SPRYD3: variants seen among roughly 807,000 people sequenced by gnomAD.
The protein encoded by SPRYD3 is SPRY domain containing 3.
A neutral mutation model predicts 50.1 loss-of-function variants in SPRYD3; 17 were observed. The ratio of observed to expected loss-of-function variants is 0.34; its 90% CI spans 0.23 to 0.51. The LOEUF (loss-of-function observed/expected upper bound fraction) is 0.51, where lower values mean the gene tolerates loss of function less well. Ranked by LOEUF, SPRYD3 falls within the 20% of genes least tolerant of loss-of-function variation. SPRYD3 has a pLI of 0.97. For synonymous variants in SPRYD3, 198 were observed against 215.5 expected, an observed-to-expected ratio of 0.92 and a Z score of 0.71; for missense variants, 401 against 591.2, an observed-to-expected ratio of 0.68 and a Z score of 3.34.
At position 53,066,440 on chromosome 12, in the gene SPRYD3, G is replaced by T. The variant is rs1335649853; in HGVS notation, c.1068C>A (p.Ala356=). The change falls in exon 10 of 11, where the codon GCC becomes GCA. Residue 356 remains alanine, a synonymous_variant. Transcript: ENST00000301463. Reference sequence around the variant, plus strand: ...CATTCCGCACGTTCCGGACGGCCCGGGCAGTCGGAGACAGGATCACTGTGT... The same window carrying T: ...CATTCCGCACGTTCCGGACGGCCCGTGCAGTCGGAGACAGGATCACTGTGT... ...SCDTVILSPT[A]RAVRNVRNVM... 6.2e-7 allele frequency: 1 copy of T among 1,613,978 alleles called. No individual in the cohort carries two copies. Among genetic ancestry groups the T allele is most frequent in the African/African-American group, 1.3e-5 (1 of 74,884 alleles).
rs141286458 is a variant in SPRYD3 at position 53,076,459 on chromosome 12, A to G, written c.171-648T>C. On this transcript the variant is annotated intron_variant, in intron 2 of 10. Transcript: ENST00000301463. ...CCCTTCCCCAAACAGGAAATCAACT[A>G]TCTCTGAAACAGCCACTCTTCACTA... is the stretch of plus-strand genomic sequence containing the variant. Among the ~76,000 whole-genome samples, 698 of 152,300 alleles carry G rather than the reference A, an allele frequency of 4.6e-3. 10 individuals are homozygous for G. The highest frequency in any genetic ancestry group is 0.016 in the African/African-American group (665 of 41,556).
intron 10 of SPRYD3, 24 bp downstream of exon 10, chr12:53,066,290 C>T (rs762738503): frequency 3.1e-6 from 5 of 1,608,032 alleles, no homozygotes; most frequent in South Asian, 2.2e-5. Context: ...AACCCTGGTC[C>T]CACCTCAAAC....
At chr12:53,078,966 C>T (rs1944611173) in intron 1 of SPRYD3, among the ~76,000 whole-genome samples, 2 of 152,210 alleles carry the variant, frequency 1.3e-5, no homozygotes, top group East Asian at 1.9e-4. Flanking sequence ...ATTCCACTCC[C>T]GGGCACTCAG....
intron 6 of SPRYD3, among the ~76,000 whole-genome samples, chr12:53,072,562 A>G (rs1032762428): frequency 3.9e-5 from 6 of 152,216 alleles, no homozygotes; most frequent in Non-Finnish European, 8.8e-5. Flanking sequence ...TTCACTCCCA[A>G]TGCAGCACAG....
At chr12:53,067,753 G>A in intron 7 of SPRYD3, 48 bp from the exon 8 acceptor site, 1 of 1,558,514 alleles carries the variant, frequency 6.4e-7, no homozygotes, top group South Asian at 1.1e-5. Flanking sequence ...GCATAAACAA[G>A]ACAGGAGAGA....
rs574014337 is a variant in SPRYD3 at position 53,073,776 on chromosome 12, G to A, written c.508-305C>T. On this transcript the variant is annotated intron_variant, in intron 5 of 10. Transcript: ENST00000301463. ...GGAGAATGGCGTGAACCCGGGAGGC[G>A]GAGCTTGCAGTGAGCCGAGATGGTG... Among the ~76,000 whole-genome samples the A allele has an allele frequency of 3.7e-3, 562 of 151,556 alleles. 6 individuals carry two copies. The highest frequency in any genetic ancestry group is 0.012 in the African/African-American group (514 of 41,274).
At chr12:53,071,930 A>G (rs1197742139) in intron 6 of SPRYD3, among the ~76,000 whole-genome samples, 2 of 151,998 alleles carry the variant, frequency 1.3e-5, no homozygotes, top group African/African-American at 4.8e-5. Context: ...ACACTCTTAA[A>G]TAAGTGGCTG....
In SPRYD3 at chr12:53,073,452, G is replaced by A; in HGVS notation, c.527C>T (p.Pro176Leu). 4 of 1,556,374 alleles carry A rather than the reference G, an allele frequency of 2.6e-6. No homozygotes were observed. Among genetic ancestry groups the A allele is most frequent in the Non-Finnish European group, 3.5e-6 (4 of 1,147,244 alleles). Residue 176 changes from proline (P) to leucine (L), a missense_variant, in exon 6 of 11, where the codon CCC (proline) becomes CTC (leucine). By Grantham distance (98) the Pro-to-Leu change is moderately conservative. Transcript: ENST00000301463. The stretch of plus-strand genomic sequence containing the variant: ...TGGGAACAGTCCATCTGGGGACATG[G>A]GCATGATGGTAGAGCCCACCTGCAG... ...NGKRVGSTIM[P>L]MSPDGLFPAV...
chr12:53,078,181 A>G lies in SPRYD3; in HGVS notation c.24-920T>C, dbSNP rs1241941203. 2.2e-5 allele frequency: 9 copies of G among 410,214 alleles called. No homozygotes were observed. In the Admixed American group the frequency reaches 2.5e-4, roughly 11 times the overall value. 25.4% of individuals were successfully genotyped at this position (410,214 alleles called of 1,614,324 possible). A position where few individuals can be genotyped will look rare whatever the true frequency, so the allele number is the denominator to read the frequency against. On this transcript the variant is annotated intron_variant, in intron 1 of 10. Transcript: ENST00000301463. The stretch of plus-strand genomic sequence containing the variant: ...CTGACAGAGCAAGACCCTGTCTCAA[A>G]AAAAAAAGAAAAAAAAATGCCATGA...
Position 53,066,424 on chromosome 12 carries a change from C to G in SPRYD3, c.1084G>C (p.Val362Leu). The G allele has an allele frequency of 1.2e-6, 2 of 1,614,136 alleles. No homozygotes were observed. The highest frequency in any genetic ancestry group is 1.7e-6 in the Non-Finnish European group (2 of 1,180,016). ...LSPTARAVRN[V>L]RNVMYLHQEG... is the part of the protein sequence containing the mutation. Reference sequence around the variant, plus strand: ...TGGTGCAGGTACATGACATTCCGCACGTTCCGGACGGCCCGGGCAGTCGGA... The same window carrying G: ...TGGTGCAGGTACATGACATTCCGCAGGTTCCGGACGGCCCGGGCAGTCGGA... Residue 362 changes from valine (V) to leucine (L), a missense_variant, in exon 10 of 11, where the codon GTG becomes CTG. Coordinates refer to ENST00000301463, the MANE Select transcript of SPRYD3 (RefSeq NM_032840.3).
In SPRYD3 at chr12:53,075,315, A is replaced by C. The variant is rs1944580709; in HGVS notation, c.247-96T>G. The stretch of plus-strand genomic sequence containing the variant: ...GGGACTTAGAGATTAAAGGGCGCTG[A>C]GGCTCAAAAAGAAAAAGGACATGGG... On this transcript the variant is annotated intron_variant, in intron 3 of 10. Coordinates refer to ENST00000301463, the MANE Select transcript of SPRYD3 (RefSeq NM_032840.3). The C allele has an allele frequency of 2.3e-6, 3 of 1,316,158 alleles. No individual in the cohort carries two copies. In the South Asian group the frequency reaches 4.2e-5, roughly 18 times the overall value. The allele number at this position is 1,316,158 out of a possible 1,614,324, so 81.5% of individuals were successfully genotyped here.
chr12:53,072,207 G>A (rs1311177553), intron 6 of SPRYD3, among the ~76,000 whole-genome samples: 3 of 152,134 alleles, frequency 2.0e-5, no homozygotes, highest in Non-Finnish European at 4.4e-5. Context: ...TGAGAGTCAC[G>A]GAGTGGGCAT....
chr12:53,075,124 G>A lies in SPRYD3; in HGVS notation c.342C>T (p.Asp114=). 1 of 1,613,968 alleles carries A rather than the reference G, an allele frequency of 6.2e-7. No homozygotes were observed. The highest frequency in any genetic ancestry group is 2.2e-5 in the East Asian group (1 of 44,872). The change falls in exon 4 of 11, where the codon GAC becomes GAT. Residue 114 remains aspartate (D), a synonymous_variant. Coordinates refer to ENST00000301463, the MANE Select transcript of SPRYD3 (RefSeq NM_032840.3). ...CATCATCAGCATGGTAGGCTACAGA[G>A]TCAGGCAACCAGCCAGGCTGGTGAT... ...SLDHQPGWLP[D]SVAYHADDGK...
chr12:53,075,667 G>A (rs780585574), intron 3 of SPRYD3, 69 bp downstream of exon 3: 57 of 1,256,672 alleles, frequency 4.5e-5, no homozygotes, highest in Non-Finnish European at 6.4e-5. Context: ...TAGTAAAGGA[G>A]CTTCTTGGGG....
At chr12:53,070,720 G>A (rs559195713) in intron 6 of SPRYD3, among the ~76,000 whole-genome samples, 9 of 152,244 alleles carry the variant, frequency 5.9e-5, no homozygotes, top group Non-Finnish European at 7.4e-5. Context: ...TGGAATTGCC[G>A]ATCACAAAGA....
Position 53,066,315 on chromosome 12 carries a change from A to T in SPRYD3, c.1193T>A (p.Val398Glu). The change falls in exon 10 of 11, where the codon GTG becomes GAG. Residue 398 changes from valine to glutamate, a missense_variant and splice_region_variant. Coordinates refer to ENST00000301463, the MANE Select transcript of SPRYD3 (RefSeq NM_032840.3). ...CCACCTCAAACTCTCCGTACTCACC[A>T]CCACCTTCCTGCCCTCATGCTCCGG... ...IEPEHEGRKV[V>E]VFFTRNGKII... The T allele has an allele frequency of 2.5e-6, 4 of 1,613,208 alleles. No homozygotes were observed. The highest frequency in any genetic ancestry group is 3.4e-6 in the Non-Finnish European group (4 of 1,179,654).
intron 6 of SPRYD3, among the ~76,000 whole-genome samples, chr12:53,072,565 C>A (rs1219707071): frequency 6.6e-6 from 1 of 152,196 alleles, no homozygotes; most frequent in Non-Finnish European, 1.5e-5. Flanking sequence ...ACTCCCAATG[C>A]AGCACAGTGT....
chr12:53,065,815 G>A lies in SPRYD3; in HGVS notation c.*17C>T, dbSNP rs1466675381. The A allele has an allele frequency of 6.2e-7, 1 of 1,609,136 alleles. No homozygotes were observed. Among genetic ancestry groups the A allele is most frequent in the Non-Finnish European group, 8.5e-7 (1 of 1,177,516 alleles). ...AGAGGGTGAGCAGGGAGAAGGAGCAGGTCTGGAGGGGAGGCCCTAGCCACT... is the reference window on the plus strand; with the variant it reads ...AGAGGGTGAGCAGGGAGAAGGAGCAAGTCTGGAGGGGAGGCCCTAGCCACT... On this transcript the variant is annotated 3_prime_UTR_variant, in exon 11 of 11. Transcript: ENST00000301463.
At chr12:53,068,031 A>T in intron 7 of SPRYD3, 124 bp downstream of exon 7, 1 of 1,109,402 alleles carries the variant, frequency 9.0e-7, no homozygotes, top group Non-Finnish European at 1.3e-6. Flanking sequence ...GTTCCATCTC[A>T]GCTTAGCACC....
Sources: gnomAD v4.1 joint callset for allele counts (sites outside exome capture counted in the v4.1 genomes callset) on GRCh38, gnomAD v4.1.1 for gene constraint, MANE v1.5 for transcripts, NCBI Gene and HGNC (gene_info 2026-07-23, HGNC 2026-07-21) for gene names.